LAMA2: variants seen among roughly 807,000 people sequenced by gnomAD.
The protein encoded by LAMA2 is laminin subunit alpha 2.
LAMA2 carries 269 observed loss-of-function variants against 364.8 expected under a neutral mutation model. That is an observed-to-expected ratio of 0.74 (90% CI 0.67 to 0.82). LAMA2 has a LOEUF of 0.82. Among genes scored for constraint, LAMA2 ranks in the 40% least tolerant of loss-of-function variants. LAMA2 has a pLI of 0.00. For synonymous variants in LAMA2, 1,379 were observed against 1,370.6 expected (o/e 1.01, Z -0.14); for missense variants, 3,807 against 3,873.2 (o/e 0.98, Z 0.45).
At chr6:129,067,297 G>A (rs572398564) in intron 3 of LAMA2, among the ~76,000 whole-genome samples, 124 of 152,226 alleles carry the variant, frequency 8.1e-4, no homozygotes, top group South Asian at 5.0e-3. Flanking sequence ...TTCTTTACCT[G>A]TTTTAATTGT....
chr6:129,432,634 G>A (rs2114750489), intron 41 of LAMA2, among the ~76,000 whole-genome samples: 1 of 152,270 alleles, frequency 6.6e-6, no homozygotes, highest in South Asian at 2.1e-4. Flanking sequence ...TAAAGGGATG[G>A]TGGGGCCTGT....
intron 12 of LAMA2, among the ~76,000 whole-genome samples, chr6:129,205,948 C>T (rs60220768): frequency 4.0e-5 from 6 of 150,872 alleles, no homozygotes; most frequent in Non-Finnish European, 4.4e-5. Context: ...ACCTGAACTC[C>T]GGAGGCGGAG....
chr6:129,048,854 A>C (rs993924705), intron 1 of LAMA2, among the ~76,000 whole-genome samples: 1 of 151,958 alleles, frequency 6.6e-6, no homozygotes, highest in Non-Finnish European at 1.5e-5. Context: ...ACCTCAAGTG[A>C]TCCGCCCACC....
intron 3 of LAMA2, among the ~76,000 whole-genome samples, chr6:129,094,145 C>T (rs1463942160): frequency 1.3e-5 from 2 of 152,130 alleles, no homozygotes. Context: ...AAAATTGTTA[C>T]AGTTACTCTC....
chr6:129,310,256 A>G (rs1225556112), intron 22 of LAMA2, among the ~76,000 whole-genome samples: 1 of 152,176 alleles, frequency 6.6e-6, no homozygotes. Context: ...TTGGGCATGA[A>G]AGACAATAGA....
At chr6:129,004,406 T>TAAAAAA (rs61244248) in intron 1 of LAMA2, among the ~76,000 whole-genome samples, 51 of 53,678 alleles carry the variant, frequency 9.5e-4, no homozygotes, top group African/African-American at 2.6e-3. Context: ...AGTATAATAA[T>TAAAAAA]AAAAAAAAAA....
At chr6:129,133,125 A>G (rs186167825) in intron 4 of LAMA2, among the ~76,000 whole-genome samples, 93 of 152,336 alleles carry the variant, frequency 6.1e-4, no homozygotes, top group Admixed American at 2.3e-3. Context: ...CAGGTTTATA[A>G]ACCCACTGAA....
intron 16 of LAMA2, among the ~76,000 whole-genome samples, 178 bp downstream of exon 16, chr6:129,267,397 A>C (rs2114345907): frequency 6.6e-6 from 1 of 152,264 alleles, no homozygotes; most frequent in South Asian, 2.1e-4. Flanking sequence ...TGATCTCCCT[A>C]ATGAATATGA....
chr6:129,287,122 A>C, intron 18 of LAMA2, among the ~76,000 whole-genome samples: 1 of 139,326 alleles, frequency 7.2e-6, no homozygotes, highest in Admixed American at 7.8e-5. Flanking sequence ...AGGAAGAGAG[A>C]GAGAGAAAGA....
At chr6:128,898,200 C>T (rs1372380880) in intron 1 of LAMA2, among the ~76,000 whole-genome samples, 1 of 152,062 alleles carries the variant, frequency 6.6e-6, no homozygotes, top group African/African-American at 2.4e-5. Context: ...GCTTGTTGGC[C>T]ACAGTTTTAG....
At chr6:129,229,273 A>G (rs1784521620) in intron 12 of LAMA2, among the ~76,000 whole-genome samples, 1 of 152,200 alleles carries the variant, frequency 6.6e-6, no homozygotes, top group African/African-American at 2.4e-5. Context: ...AATTTTATAT[A>G]GAATATTAGG....
intron 45 of LAMA2, among the ~76,000 whole-genome samples, chr6:129,451,656 T>C (rs2114786095): frequency 1.3e-5 from 2 of 152,352 alleles, no homozygotes; most frequent in Non-Finnish European, 2.9e-5. Flanking sequence ...AGATCTTCTG[T>C]ATCCCCAGAA....
chr6:129,174,096 G>T (rs1263562170), intron 9 of LAMA2, among the ~76,000 whole-genome samples: 4 of 151,898 alleles, frequency 2.6e-5, no homozygotes, highest in African/African-American at 9.7e-5. Context: ...TTATAATAAT[G>T]ATACCAACCC....
intron 32 of LAMA2, 57 bp downstream of exon 32, chr6:129,353,414 T>C (rs1776971168): frequency 6.9e-7 from 1 of 1,458,756 alleles, no homozygotes; most frequent in South Asian, 1.1e-5. Flanking sequence ...TTCTGTCTCA[T>C]TTCCAATGAG....
chr6:128,961,557 A>C (rs773080150), intron 1 of LAMA2, among the ~76,000 whole-genome samples: 1 of 150,102 alleles, frequency 6.7e-6, no homozygotes, highest in Non-Finnish European at 1.5e-5. Flanking sequence ...GTTTGAGGAC[A>C]GGAAGCATCC....
intron 30 of LAMA2, among the ~76,000 whole-genome samples, chr6:129,344,334 A>G (rs1309442638): frequency 6.6e-6 from 1 of 152,218 alleles, no homozygotes; most frequent in Non-Finnish European, 1.5e-5. Flanking sequence ...ACAGCTTTAC[A>G]GATTCGGAAA....
At chr6:129,493,086 C>T (rs975031706) in intron 58 of LAMA2, among the ~76,000 whole-genome samples, 8 of 152,032 alleles carry the variant, frequency 5.3e-5, no homozygotes, top group Non-Finnish European at 8.8e-5. Context: ...ACCCAGGAGG[C>T]GGAGGTTGCA....
At chr6:128,998,120 G>A (rs914323939) in intron 1 of LAMA2, among the ~76,000 whole-genome samples, 3 of 152,086 alleles carry the variant, frequency 2.0e-5, no homozygotes, top group African/African-American at 4.8e-5. Context: ...AGGAAAAGAG[G>A]TCAGCGAGGA....
intron 17 of LAMA2, among the ~76,000 whole-genome samples, chr6:129,276,531 T>G (rs2114378737): frequency 6.6e-6 from 1 of 152,262 alleles, no homozygotes; most frequent in South Asian, 2.1e-4. Context: ...ACGTTAGAAC[T>G]GAATTTCAGG....
Sources: allele counts gnomAD v4.1 joint callset (sites outside exome capture counted in the v4.1 genomes callset), GRCh38; gene constraint gnomAD v4.1.1; transcripts MANE v1.5; gene names NCBI Gene and HGNC (gene_info 2026-07-23, HGNC 2026-07-21).